The following GRIN2B variants were observed in gnomAD, a reference collection of about 807,000 sequenced individuals.
GRIN2B encodes glutamate receptor ionotropic, NMDA 2B.
GRIN2B carries 5 observed loss-of-function variants against 114.5 expected under a neutral mutation model. The ratio of observed to expected loss-of-function variants is 0.04; its 90% CI spans 0.02 to 0.09. The LOEUF is 0.09. Among genes scored for constraint, GRIN2B ranks in the 10% least tolerant of loss-of-function variants. The pLI is 1.00. For synonymous variants in GRIN2B, 787 were observed against 745.1 expected (o/e 1.06, Z -0.92); for missense variants, 1,108 against 1,943.5 (o/e 0.57, Z 8.08).
chr12:13,943,192 A>G (rs1047960052), intron 2 of GRIN2B, among the ~76,000 whole-genome samples: 8 of 152,144 alleles, frequency 5.3e-5, no homozygotes, highest in Admixed American at 4.6e-4. Context: ...AATCCTCACA[A>G]CAGCCCCATA....
At chr12:13,781,147 A>G (rs2136655295) in intron 3 of GRIN2B, among the ~76,000 whole-genome samples, 1 of 152,316 alleles carries the variant, frequency 6.6e-6, no homozygotes, top group East Asian at 1.9e-4. Context: ...TAACTTGGGG[A>G]AGAATATTTA....
intron 4 of GRIN2B, among the ~76,000 whole-genome samples, chr12:13,726,568 A>G (rs1181987153): frequency 2.7e-5 from 4 of 147,746 alleles, no homozygotes; most frequent in Non-Finnish European, 6.0e-5. Flanking sequence ...ATATTTATAT[A>G]TTATAAATAT....
chr12:13,707,463 T>C (rs1352519009), intron 4 of GRIN2B, among the ~76,000 whole-genome samples: 1 of 152,150 alleles, frequency 6.6e-6, no homozygotes, highest in Non-Finnish European at 1.5e-5. Context: ...TAGATACTCA[T>C]AGAGATGCCC....
intron 3 of GRIN2B, among the ~76,000 whole-genome samples, chr12:13,806,450 T>C (rs1295037398): frequency 6.6e-6 from 1 of 152,230 alleles, no homozygotes; most frequent in Admixed American, 6.6e-5. Flanking sequence ...ATTGTGATTC[T>C]GATTTGCATT....
intron 5 of GRIN2B, among the ~76,000 whole-genome samples, chr12:13,640,777 CA>C (rs1262000625): frequency 6.6e-6 from 1 of 151,984 alleles, no homozygotes; most frequent in Admixed American, 6.6e-5. Context: ...CTGCAGGAAC[CA>C]AAATGTGTGA....
At chr12:13,912,217 C>A (rs1013780343) in intron 2 of GRIN2B, among the ~76,000 whole-genome samples, 1 of 152,042 alleles carries the variant, frequency 6.6e-6, no homozygotes, top group Non-Finnish European at 1.5e-5. Flanking sequence ...TGGGTGCAAT[C>A]TAAAAACTCT....
intron 2 of GRIN2B, among the ~76,000 whole-genome samples, chr12:13,897,538 A>G (rs1203912882): frequency 6.6e-6 from 1 of 152,126 alleles, no homozygotes; most frequent in African/African-American, 2.4e-5. Flanking sequence ...TTCTATTTCA[A>G]TCTGTAGAAA....
chr12:13,865,728 A>G, intron 3 of GRIN2B, 70 bp downstream of exon 3: 2 of 1,291,676 alleles, frequency 1.5e-6, no homozygotes, highest in East Asian at 2.3e-5. Context: ...CAAGTTTTAC[A>G]GGAAAACAAA....
chr12:13,742,653 C>T (rs1863306949), intron 4 of GRIN2B, among the ~76,000 whole-genome samples: 1 of 152,084 alleles, frequency 6.6e-6, no homozygotes, highest in South Asian at 2.1e-4. Context: ...CTGGTCTCAA[C>T]CCCCTGACCT....
intron 9 of GRIN2B, among the ~76,000 whole-genome samples, 194 bp from the exon 10 acceptor site, chr12:13,609,026 G>T (rs1949324687): frequency 6.6e-6 from 1 of 152,126 alleles, no homozygotes; most frequent in Non-Finnish European, 1.5e-5. Context: ...GCTGCAGAGG[G>T]TTCCTTAGGA....
intron 2 of GRIN2B, among the ~76,000 whole-genome samples, chr12:13,955,918 G>A (rs559643242): frequency 1.1e-4 from 17 of 152,264 alleles, no homozygotes; most frequent in South Asian, 2.1e-4. Context: ...CACCAGACGC[G>A]TATATTAATA....
chr12:13,573,932 G>A (rs1948739867), intron 10 of GRIN2B, among the ~76,000 whole-genome samples: 1 of 152,134 alleles, frequency 6.6e-6, no homozygotes, highest in Admixed American at 6.5e-5. Flanking sequence ...GACTGAGAAA[G>A]CTCCCTCTCT....
chr12:13,724,268 T>A (rs1862936421), intron 4 of GRIN2B, among the ~76,000 whole-genome samples: 1 of 152,064 alleles, frequency 6.6e-6, no homozygotes, highest in Admixed American at 6.6e-5. Flanking sequence ...AAGGGATGAA[T>A]ATCTAGGAGG....
At chr12:13,775,788 G>A (rs1863992937) in intron 3 of GRIN2B, among the ~76,000 whole-genome samples, 2 of 152,026 alleles carry the variant, frequency 1.3e-5, no homozygotes, top group African/African-American at 4.8e-5. Context: ...ATTTCTATAG[G>A]ATTACAGGGA....
intron 2 of GRIN2B, among the ~76,000 whole-genome samples, chr12:13,960,632 G>A (rs1201511345): frequency 6.6e-6 from 1 of 152,142 alleles, no homozygotes; most frequent in Non-Finnish European, 1.5e-5. Context: ...AGAGGGGCTG[G>A]GGGAAGACAA....
chr12:13,614,735 C>T (rs1251017879), intron 8 of GRIN2B, among the ~76,000 whole-genome samples: 1 of 152,162 alleles, frequency 6.6e-6, no homozygotes, highest in Non-Finnish European at 1.5e-5. Context: ...ATTATTATGG[C>T]AAGAAGCAGT....
intron 3 of GRIN2B, among the ~76,000 whole-genome samples, chr12:13,781,478 A>T (rs1265144564): frequency 6.6e-6 from 1 of 152,210 alleles, no homozygotes; most frequent in Non-Finnish European, 1.5e-5. Flanking sequence ...CTGTAAGTGG[A>T]ACACACTGAT....
At chr12:13,934,512 T>G (rs185049954) in intron 2 of GRIN2B, among the ~76,000 whole-genome samples, 1 of 152,346 alleles carries the variant, frequency 6.6e-6, no homozygotes, top group Admixed American at 6.5e-5. Context: ...TTGTAAGTGA[T>G]TTTAACTCAG....
chr12:13,828,872 A>C (rs888407203), intron 3 of GRIN2B, among the ~76,000 whole-genome samples: 4 of 152,204 alleles, frequency 2.6e-5, no homozygotes, highest in Admixed American at 6.5e-5. Flanking sequence ...TTCATATTAC[A>C]CATGAAATTA....
Sources: allele counts gnomAD v4.1 joint callset (sites outside exome capture counted in the v4.1 genomes callset), GRCh38; gene constraint gnomAD v4.1.1; transcripts MANE v1.5; gene names NCBI Gene and HGNC (gene_info 2026-07-23, HGNC 2026-07-21).